The following ADAM10 variants were observed in gnomAD, a reference collection of about 807,000 sequenced individuals.
ADAM10 encodes the protein ADAM metallopeptidase domain 10.
ADAM10 carries 17 observed loss-of-function variants against 90.1 expected under a neutral mutation model. The ratio of observed to expected loss-of-function variants is 0.19; its 90% CI spans 0.13 to 0.28. ADAM10 has a LOEUF of 0.28. Among genes scored for constraint, ADAM10 ranks in the 10% least tolerant of loss-of-function variants. ADAM10 has a pLI of 1.00. For missense variants in ADAM10, 610 were observed against 914.3 expected (o/e 0.67, Z 4.29); for synonymous variants, 310 against 298.6 (o/e 1.04, Z -0.40).
intron 14 of ADAM10, among the ~76,000 whole-genome samples, chr15:58,603,185 T>A (rs1459452458): frequency 6.6e-6 from 1 of 152,202 alleles, no homozygotes. Context: ...TCCCATTCCT[T>A]TATTATATAG....
rs146959663 is a variant in ADAM10, at chr15:58,673,928, G to A, written c.484+5196C>T. Among the ~76,000 whole-genome samples, 1,486 of 152,064 alleles carry A rather than the reference G, an allele frequency of 9.8e-3. 24 individuals are homozygous for A. Among genetic ancestry groups the A allele is most frequent in the African/African-American group, 0.034 (1,403 of 41,494 alleles). On this transcript the variant is annotated intron_variant, in intron 4 of 15. Coordinates refer to ENST00000260408, the MANE Select transcript of ADAM10 (RefSeq NM_001110.4). ...TTTTTGTATTTTTAGTAGAGACGGG[G>A]TTTCACTGTTTAGCCAGGATGGTCT...
chr15:58,604,714 T>C (rs910280430), intron 14 of ADAM10, among the ~76,000 whole-genome samples: 14 of 152,204 alleles, frequency 9.2e-5, no homozygotes, highest in African/African-American at 2.9e-4. Flanking sequence ...GGTTTGGATA[T>C]ATTTAATGAT....
At chr15:58,724,178 A>G (rs1370183855) in intron 1 of ADAM10, among the ~76,000 whole-genome samples, 1 of 144,930 alleles carries the variant, frequency 6.9e-6, no homozygotes, top group Non-Finnish European at 1.5e-5. Flanking sequence ...CTCCGTCTCA[A>G]AAAAAAAAAA....
In ADAM10 at chr15:58,594,692, T is replaced by C. The variant is rs1894905062; in HGVS notation, c.*2855A>G. ...ATTTATAAAACTGGGGAGGGAGGGA[T>C]GGAGGGAGAGAGGACGGACTGTAAA... On this transcript the variant is annotated 3_prime_UTR_variant, in exon 16 of 16. Transcript: ENST00000260408. 1 of 151,990 alleles carries C rather than the reference T, an allele frequency of 6.6e-6. No individual in the cohort carries two copies. The highest frequency in any genetic ancestry group is 1.5e-5 in the Non-Finnish European group (1 of 67,952). 9.4% of individuals were successfully genotyped at this position (151,990 alleles called of 1,614,324 possible).
intron 1 of ADAM10, among the ~76,000 whole-genome samples, chr15:58,744,075 T>G (rs1287041632): frequency 6.6e-6 from 1 of 152,214 alleles, no homozygotes; most frequent in Non-Finnish European, 1.5e-5. Context: ...TACATTTTAT[T>G]TGCTGTACCT....
intron 2 of ADAM10, among the ~76,000 whole-genome samples, chr15:58,683,274 G>A (rs926786597): frequency 3.3e-5 from 5 of 151,852 alleles, no homozygotes; most frequent in South Asian, 2.1e-4. Flanking sequence ...AAAGTATTAC[G>A]TCTTTTTTTT....
chr15:58,669,590 C>A (rs1490029312), intron 4 of ADAM10, among the ~76,000 whole-genome samples: 1 of 152,136 alleles, frequency 6.6e-6, no homozygotes, highest in Non-Finnish European at 1.5e-5. Context: ...AGAGCTCAGG[C>A]AACAGAGCAA....
intron 1 of ADAM10, among the ~76,000 whole-genome samples, chr15:58,736,627 AAG>A (rs1899439741): frequency 6.6e-6 from 1 of 152,186 alleles, no homozygotes; most frequent in South Asian, 2.1e-4. Flanking sequence ...TATTATTAAA[AAG>A]AGAGTAAATG....
intron 1 of ADAM10, among the ~76,000 whole-genome samples, chr15:58,728,910 A>G (rs1462593157): frequency 3.3e-5 from 5 of 152,232 alleles, no homozygotes; most frequent in African/African-American, 1.2e-4. Context: ...GGGGAAATAA[A>G]AGATTAAATG....
chr15:58,643,784 A>C (rs1183869379), intron 7 of ADAM10, 102 bp downstream of exon 7: 1 of 942,876 alleles, frequency 1.1e-6, no homozygotes, highest in Non-Finnish European at 1.7e-6. Flanking sequence ...TAAACTACTT[A>C]ATTCATAAAG....
chr15:58,662,318 G>A (rs966772868), intron 5 of ADAM10, among the ~76,000 whole-genome samples: 5 of 152,126 alleles, frequency 3.3e-5, no homozygotes, highest in South Asian at 2.1e-4. Flanking sequence ...CTACTACCAC[G>A]GCTTGGGATA....
At chr15:58,738,768 G>C (rs145426313) in intron 1 of ADAM10, among the ~76,000 whole-genome samples, 1 of 152,144 alleles carries the variant, frequency 6.6e-6, no homozygotes, top group Non-Finnish European at 1.5e-5. Flanking sequence ...AAATGTGTAC[G>C]TAAGATTTCT....
At chr15:58,733,926 T>A (rs1567017954) in intron 1 of ADAM10, among the ~76,000 whole-genome samples, 1 of 149,644 alleles carries the variant, frequency 6.7e-6, no homozygotes, top group Non-Finnish European at 1.5e-5. Flanking sequence ...TATATAAAAA[T>A]AATATTACAC....
At chr15:58,722,334 C>G (rs1898882652) in intron 1 of ADAM10, among the ~76,000 whole-genome samples, 1 of 151,752 alleles carries the variant, frequency 6.6e-6, no homozygotes, top group Non-Finnish European at 1.5e-5. Context: ...AAGAGCAAAA[C>G]TCTGTCACAA....
At chr15:58,679,688 C>T (rs914919467) in intron 3 of ADAM10, among the ~76,000 whole-genome samples, 21 of 152,064 alleles carry the variant, frequency 1.4e-4, no homozygotes, top group Non-Finnish European at 2.1e-4. Flanking sequence ...GCAGATCACT[C>T]GAGGCCAGGA....
At chr15:58,601,754 T>C (rs1398491571) in intron 14 of ADAM10, among the ~76,000 whole-genome samples, 1 of 152,214 alleles carries the variant, frequency 6.6e-6, no homozygotes, top group Admixed American at 6.5e-5. Context: ...CTCCTTTGAT[T>C]TGGAAAAATT....
In ADAM10 at chr15:58,590,521, T is replaced by C. The variant is rs1251264346; in HGVS notation, c.*7026A>G. The C allele has an allele frequency of 2.0e-5, 3 of 152,174 alleles. No individual in the cohort carries two copies. Among genetic ancestry groups the C allele is most frequent in the Non-Finnish European group, 4.4e-5 (3 of 68,034 alleles). The allele number at this position is 152,174 out of a possible 1,614,324, so 9.4% of individuals were successfully genotyped here. On this transcript the variant is annotated 3_prime_UTR_variant, in exon 16 of 16. Transcript: ENST00000260408. ...CCAAAGAATTTCAAACATGCTCTGA[T>C]ATGTTTCAAGGAGGAGGAAAGGAGG...
chr15:58,744,980 C>G (rs138244530), intron 1 of ADAM10, among the ~76,000 whole-genome samples: 68 of 152,294 alleles, frequency 4.5e-4, no homozygotes, highest in African/African-American at 1.6e-3. Flanking sequence ...GTCAGGAGTT[C>G]GAGACCAGTC....
chr15:58,744,961 T>C (rs1890364942), intron 1 of ADAM10, among the ~76,000 whole-genome samples: 2 of 152,212 alleles, frequency 1.3e-5, no homozygotes, highest in South Asian at 4.1e-4. Context: ...GGCGGGCAGA[T>C]CACCTGAAGT....
Sources: gnomAD v4.1 joint callset for allele counts (sites outside exome capture counted in the v4.1 genomes callset) on GRCh38, gnomAD v4.1.1 for gene constraint, MANE v1.5 for transcripts, NCBI Gene and HGNC (gene_info 2026-07-23, HGNC 2026-07-21) for gene names.